The following GABBR2 variants were observed in gnomAD, a reference collection of about 807,000 sequenced individuals.
GABBR2 encodes G-protein coupled receptor 51.
In GABBR2, 23 loss-of-function variants were observed where a neutral mutation model predicts 105.6. The ratio of observed to expected loss-of-function variants is 0.22; its 90% CI spans 0.16 to 0.31. The LOEUF (loss-of-function observed/expected upper bound fraction) is 0.31. GABBR2 is among the 10% of genes least tolerant of loss of function. The pLI is 1.00. For synonymous variants in GABBR2, 478 were observed against 499.7 expected, an observed-to-expected ratio of 0.96 and a Z score of 0.58; for missense variants, 734 against 1,245.5, an observed-to-expected ratio of 0.59 and a Z score of 6.18.
At chr9:98,611,119 C>T (rs1829499901) in intron 1 of GABBR2, among the ~76,000 whole-genome samples, 1 of 152,244 alleles carries the variant, frequency 6.6e-6, no homozygotes, top group African/African-American at 2.4e-5. Flanking sequence ...GAACCACCAT[C>T]CTGTCCTCTC....
intron 1 of GABBR2, among the ~76,000 whole-genome samples, chr9:98,622,060 T>A (rs1341469279): frequency 6.6e-6 from 1 of 152,230 alleles, no homozygotes; most frequent in African/African-American, 2.4e-5. Flanking sequence ...ATGACCCAAA[T>A]ATTATAATTA....
chr9:98,343,206 G>T (rs1185069264), intron 13 of GABBR2, among the ~76,000 whole-genome samples: 1 of 152,162 alleles, frequency 6.6e-6, no homozygotes, highest in Non-Finnish European at 1.5e-5. Flanking sequence ...TGCTCAAATG[G>T]CCAGAAAGCC....
chr9:98,351,302 T>C (rs769884179), intron 13 of GABBR2, among the ~76,000 whole-genome samples: 65 of 152,232 alleles, frequency 4.3e-4, no homozygotes, highest in Non-Finnish European at 7.5e-4. Flanking sequence ...TTGTGTTGTA[T>C]ATCCTTTGTT....
chr9:98,686,491 G>A (rs1485805571), intron 1 of GABBR2, among the ~76,000 whole-genome samples: 1 of 152,106 alleles, frequency 6.6e-6, no homozygotes, highest in Non-Finnish European at 1.5e-5. Flanking sequence ...TCGCCTCCCA[G>A]TTCAAGTGAT....
At chr9:98,473,734 A>G (rs951088973) in intron 5 of GABBR2, among the ~76,000 whole-genome samples, 5 of 152,188 alleles carry the variant, frequency 3.3e-5, no homozygotes, top group African/African-American at 1.2e-4. Context: ...CTCATTATCA[A>G]TAAGGAGAAA....
intron 1 of GABBR2, among the ~76,000 whole-genome samples, chr9:98,617,291 G>A (rs927271757): frequency 6.6e-6 from 1 of 152,154 alleles, no homozygotes; most frequent in African/African-American, 2.4e-5. Context: ...GCTCCCCAAA[G>A]GAGGTGAGGA....
chr9:98,448,010 G>A (rs762131632), intron 7 of GABBR2, among the ~76,000 whole-genome samples: 1 of 152,048 alleles, frequency 6.6e-6, no homozygotes, highest in Non-Finnish European at 1.5e-5. Flanking sequence ...ACCTTGGTGA[G>A]ACCAATTAGA....
chr9:98,602,218 A>G (rs1416361874), intron 1 of GABBR2, among the ~76,000 whole-genome samples: 1 of 150,948 alleles, frequency 6.6e-6, no homozygotes, highest in Non-Finnish European at 1.5e-5. Flanking sequence ...TCACGCTTGT[A>G]ATCCCAGCAC....
At chr9:98,655,943 C>A (rs1258460936) in intron 1 of GABBR2, among the ~76,000 whole-genome samples, 1 of 152,138 alleles carries the variant, frequency 6.6e-6, no homozygotes, top group Admixed American at 6.5e-5. Context: ...ATGTAACAAA[C>A]CTGCATGTTC....
At chr9:98,663,469 A>G (rs919477806) in intron 1 of GABBR2, among the ~76,000 whole-genome samples, 6 of 152,146 alleles carry the variant, frequency 3.9e-5, no homozygotes, top group Non-Finnish European at 8.8e-5. Context: ...TGCAACTGTC[A>G]TAATTAGCGG....
At chr9:98,539,214 C>T (rs946989010) in intron 3 of GABBR2, among the ~76,000 whole-genome samples, 5 of 152,336 alleles carry the variant, frequency 3.3e-5, no homozygotes, top group African/African-American at 4.8e-5. Flanking sequence ...GTTTCCCCAT[C>T]TGTAAAATGG....
intron 6 of GABBR2, among the ~76,000 whole-genome samples, chr9:98,464,536 C>G (rs1826505019): frequency 6.6e-6 from 1 of 151,524 alleles, no homozygotes; most frequent in African/African-American, 2.4e-5. Context: ...GTGGGGGGCG[C>G]CTCTGCCCGG....
At chr9:98,567,696 A>T (rs867763) in intron 2 of GABBR2, among the ~76,000 whole-genome samples, 4,555 of 152,264 alleles carry the variant, frequency 0.03, 167 homozygotes, top group East Asian at 0.16. Context: ...ATAGCCCCAG[A>T]AGGGTGGACG....
At chr9:98,317,321 G>A (rs867578986) in intron 13 of GABBR2, among the ~76,000 whole-genome samples, 1 of 152,218 alleles carries the variant, frequency 6.6e-6, no homozygotes, top group Non-Finnish European at 1.5e-5. Flanking sequence ...TCTCCCATCT[G>A]TGCGGCAAAA....
intron 1 of GABBR2, among the ~76,000 whole-genome samples, chr9:98,597,861 C>G (rs1214041391): frequency 1.3e-5 from 2 of 151,818 alleles, no homozygotes; most frequent in African/African-American, 4.8e-5. Context: ...ACTCTGTCTC[C>G]CAGGCTGGAG....
At chr9:98,430,016 G>A (rs1046477609) in intron 7 of GABBR2, among the ~76,000 whole-genome samples, 3 of 152,168 alleles carry the variant, frequency 2.0e-5, no homozygotes, top group Non-Finnish European at 2.9e-5. Flanking sequence ...GCTGGGCGTG[G>A]TGGCTCATGC....
chr9:98,556,054 C>T (rs1828579406), intron 2 of GABBR2, among the ~76,000 whole-genome samples: 1 of 148,232 alleles, frequency 6.7e-6, no homozygotes. Flanking sequence ...TCACACTTGT[C>T]TTCTTTAGAC....
intron 13 of GABBR2, among the ~76,000 whole-genome samples, chr9:98,350,862 A>T (rs1249218815): frequency 6.6e-6 from 1 of 152,102 alleles, no homozygotes; most frequent in East Asian, 1.9e-4. Context: ...CTATTATTAT[A>T]TTGGAGTCTA....
intron 1 of GABBR2, among the ~76,000 whole-genome samples, chr9:98,705,750 A>G (rs972465481): frequency 5.9e-5 from 9 of 152,206 alleles, no homozygotes; most frequent in African/African-American, 1.9e-4. Context: ...TACTTTAAAG[A>G]TAAGGCCACT....
Sources: gnomAD v4.1 joint callset for allele counts (sites outside exome capture counted in the v4.1 genomes callset) on GRCh38, gnomAD v4.1.1 for gene constraint, MANE v1.5 for transcripts, NCBI Gene and HGNC (gene_info 2026-07-23, HGNC 2026-07-21) for gene names.